The following PCDHGA8 variants were observed in gnomAD, a reference collection of about 807,000 sequenced individuals.
The protein encoded by PCDHGA8 is protocadherin gamma subfamily A, 8.
In PCDHGA8, 45 loss-of-function variants were observed where a neutral mutation model predicts 59.2. The ratio of observed to expected loss-of-function variants is 0.76; its 90% CI spans 0.60 to 0.98. PCDHGA8 has a LOEUF of 0.98. PCDHGA8 is among the 50% of genes least tolerant of loss of function. The pLI is 0.00. For missense variants in PCDHGA8, 1,257 were observed against 1,196.2 expected (o/e 1.05, Z -0.75); for synonymous variants, 531 against 519.0 (o/e 1.02, Z -0.32).
In PCDHGA8 at chr5:141,485,244, T is replaced by C; in HGVS notation, c.2425-9563T>C. ...ACCCTTTTGTTCCTCTTTTACCACC[T>C]GGGTTACGTTTGTGGGCAGATCCGC... On this transcript the variant is annotated intron_variant, in intron 1 of 3. Transcript: ENST00000398604. This position sits in a 1 kb window ranked among gnomAD's most constrained non-coding sequence, Gnocchi z 5.7. 1 of 1,614,168 alleles carries C rather than the reference T, an allele frequency of 6.2e-7. No individual in the cohort carries two copies. Among genetic ancestry groups the C allele is most frequent in the Admixed American group, 1.7e-5 (1 of 60,016 alleles).
At chr5:141,497,272 T>G (rs568198729) in intron 2 of PCDHGA8, among the ~76,000 whole-genome samples, 20 of 152,254 alleles carry the variant, frequency 1.3e-4, no homozygotes, top group African/African-American at 4.3e-4. Flanking sequence ...CTAGGCCATT[T>G]ATGTTCCCTC....
At chr5:141,427,461 G>A (rs1397917549) in intron 1 of PCDHGA8, 1 of 497,998 alleles carries the variant, frequency 2.0e-6, no homozygotes, top group Admixed American at 2.3e-5. Context: ...TTTTAGAATC[G>A]AATCTTCCGC....
rs369940443 is a variant in PCDHGA8, at chr5:141,477,841, C to G, written c.2425-16966C>G. 6.2e-7 allele frequency: 1 copy of G among 1,613,308 alleles called. No individual in the cohort carries two copies. The highest frequency in any genetic ancestry group is 1.3e-5 in the African/African-American group (1 of 74,700). On this transcript the variant is annotated intron_variant, in intron 1 of 3. Coordinates refer to ENST00000398604, the MANE Select transcript of PCDHGA8 (RefSeq NM_032088.2). The surrounding 1 kb of genome is among the most constrained non-coding windows in gnomAD (Gnocchi z 4.9). ...TCCTATATCCTCGGCCAGGTGGGAG[C>G]TCGGTGGAGATGCTGCCTCGAGGTA...
intron 1 of PCDHGA8, among the ~76,000 whole-genome samples, chr5:141,474,420 T>C (rs1260451051): frequency 2.0e-5 from 3 of 152,226 alleles, no homozygotes; most frequent in Admixed American, 2.0e-4. Flanking sequence ...GCCTAGACCA[T>C]TGGTCCTCAC....
At chr5:141,417,345 A>G (rs937116752) in intron 1 of PCDHGA8, 3 of 153,022 alleles carry the variant, frequency 2.0e-5, no homozygotes, top group African/African-American at 7.2e-5. Flanking sequence ...GAGACCTATA[A>G]ACCTTCATGC....
chr5:141,427,611 G>A (rs747386422), intron 1 of PCDHGA8: 22 of 691,570 alleles, frequency 3.2e-5, no homozygotes, highest in Non-Finnish European at 5.5e-5. Context: ...CATTGGTGAA[G>A]TCAACGACAA....
intron 1 of PCDHGA8, among the ~76,000 whole-genome samples, chr5:141,442,967 G>T (rs553833025): frequency 1.3e-5 from 2 of 152,220 alleles, no homozygotes; most frequent in African/African-American, 2.4e-5. Context: ...AGACATTCTG[G>T]CTGATAAAGT....
intron 1 of PCDHGA8, among the ~76,000 whole-genome samples, chr5:141,459,534 T>G (rs980917458): frequency 1.3e-5 from 2 of 151,990 alleles, no homozygotes; most frequent in African/African-American, 2.4e-5. Flanking sequence ...TGTAGGCATA[T>G]TTTTTTTATT....
Position 141,490,413 on chromosome 5 carries a change from G to A in PCDHGA8, c.2425-4394G>A, listed in dbSNP as rs2233606. On this transcript the variant is annotated intron_variant, in intron 1 of 3. Transcript: ENST00000398604. The surrounding 1 kb of genome is among the most constrained non-coding windows in gnomAD (Gnocchi z 5.4). ...GTGAAGTGAGCCTTGATATCTCTCC[G>A]GACCTGCCATTTCAGATTAAGCCTT... 2.3e-3 allele frequency: 3,787 copies of A among 1,614,128 alleles called. 38 individuals are homozygous for A. In the African/African-American group the frequency reaches 0.027, roughly 12 times the overall value.
intron 1 of PCDHGA8, chr5:141,420,184 A>G: frequency 5.0e-6 from 8 of 1,613,990 alleles, no homozygotes; most frequent in Non-Finnish European, 6.8e-6. Context: ...ATCATTGTCC[A>G]GCCACACAAG....
intron 1 of PCDHGA8, among the ~76,000 whole-genome samples, chr5:141,454,796 ATTTTTTTTT>A (rs61612330): frequency 1.2e-4 from 9 of 77,408 alleles, no homozygotes; most frequent in Admixed American, 5.4e-4. Context: ...CATGGTTCTA[ATTTTTTTTT>A]TTTTTTTTTT....
rs889945954 is a variant in PCDHGA8, at chr5:141,489,368, C to A, written c.2425-5439C>A. The A allele has an allele frequency of 2.5e-6, 4 of 1,613,384 alleles. No homozygotes were observed. Among genetic ancestry groups the A allele is most frequent in the Non-Finnish European group, 3.4e-6 (4 of 1,179,478 alleles). On this transcript the variant is annotated intron_variant, in intron 1 of 3. Coordinates refer to ENST00000398604, the MANE Select transcript of PCDHGA8 (RefSeq NM_032088.2). The surrounding 1 kb of genome is among the most constrained non-coding windows in gnomAD (Gnocchi z 4.5). ...GTGGTGGAGGAGTCTGAGCCGGGGA[C>A]GCTGGTGGGGAATGTTGCTCAGGAT...
At chr5:141,404,043 C>T (rs781644500) in intron 1 of PCDHGA8, 1 of 1,613,844 alleles carries the variant, frequency 6.2e-7, no homozygotes, top group East Asian at 2.2e-5. Context: ...CCTCAGGGAA[C>T]AGTAATTCTT....
At chr5:141,494,583 G>A (rs2099755431) in intron 1 of PCDHGA8, among the ~76,000 whole-genome samples, 1 of 152,152 alleles carries the variant, frequency 6.6e-6, no homozygotes, top group Non-Finnish European at 1.5e-5. Flanking sequence ...CTTGCTCACT[G>A]TGGTCAGATG....
rs980172909 is a variant in PCDHGA8, at chr5:141,485,917, G to A, written c.2425-8890G>A. On this transcript the variant is annotated intron_variant, in intron 1 of 3. Transcript: ENST00000398604. The surrounding 1 kb of genome is among the most constrained non-coding windows in gnomAD (Gnocchi z 5.7). ...CAGCCTTCCAGCAATCCAGCTACAGGATTAGTGTGTTGGAGAGCGCACCAG... is the reference window on the plus strand; with the variant it reads ...CAGCCTTCCAGCAATCCAGCTACAGAATTAGTGTGTTGGAGAGCGCACCAG... The A allele has an allele frequency of 2.6e-5, 42 of 1,614,078 alleles. No homozygotes were observed. Among genetic ancestry groups the A allele is most frequent in the Non-Finnish European group, 3.5e-5 (41 of 1,180,050 alleles).
chr5:141,455,855 C>A (rs1267803457), intron 1 of PCDHGA8, among the ~76,000 whole-genome samples: 4 of 147,088 alleles, frequency 2.7e-5, no homozygotes, highest in African/African-American at 1.0e-4. Flanking sequence ...AAAATAATTT[C>A]TTTTATTATT....
At position 141,491,686 on chromosome 5, in the gene PCDHGA8, C is replaced by CG; in HGVS notation, c.2425-3118dup. 1 of 1,612,970 alleles carries CG rather than the reference C, an allele frequency of 6.2e-7. No individual in the cohort carries two copies. The highest frequency in any genetic ancestry group is 2.2e-5 in the East Asian group (1 of 44,838). ...CATCCGGTCCCGCTCTAATACGCTG[C>CG]GGGAGCGGAGCCAGGTGAGGGGCTC... On this transcript the variant is annotated intron_variant, in intron 1 of 3. Transcript: ENST00000398604. The surrounding 1 kb of genome is among the most constrained non-coding windows in gnomAD (Gnocchi z 6.9).
rs752720166 is a variant in PCDHGA8, at chr5:141,419,978, G to C, written c.2424+24741G>C. 1.9e-6 allele frequency: 3 copies of C among 1,614,076 alleles called. No homozygotes were observed. In the South Asian group the frequency reaches 3.3e-5, roughly 18 times the overall value. On this transcript the variant is annotated intron_variant, in intron 1 of 3. Transcript: ENST00000398604. Reference sequence around the variant, plus strand: ...GATTTCTGTGCTCTTTCTCCTCGCGGTGATTCTAGCTATTGCTCTACGCCT... The same window carrying C: ...GATTTCTGTGCTCTTTCTCCTCGCGCTGATTCTAGCTATTGCTCTACGCCT...
intron 1 of PCDHGA8, among the ~76,000 whole-genome samples, chr5:141,494,146 T>C (rs1167835696): frequency 1.3e-5 from 2 of 152,168 alleles, no homozygotes; most frequent in Non-Finnish European, 2.9e-5. Context: ...TCACAGACCA[T>C]TGTCTGGCAC....
Sources: allele counts gnomAD v4.1 joint callset (sites outside exome capture counted in the v4.1 genomes callset), GRCh38; gene constraint gnomAD v4.1.1; non-coding constraint Gnocchi (gnomAD v3.1); transcripts MANE v1.5; gene names NCBI Gene and HGNC (gene_info 2026-07-23, HGNC 2026-07-21).